Variants in DGCR2 observed in about 807,000 individuals in gnomAD.
DGCR2 encodes DiGeorge syndrome critical region gene 2.
DGCR2 carries 24 observed loss-of-function variants against 51.6 expected under a neutral mutation model. The ratio of observed to expected loss-of-function variants is 0.47; its 90% CI spans 0.34 to 0.65. DGCR2 has a LOEUF of 0.65. Ranked by LOEUF, DGCR2 falls within the 30% of genes least tolerant of loss-of-function variation. DGCR2 has a pLI of 0.01. For synonymous variants in DGCR2, 340 were observed against 315.4 expected, an observed-to-expected ratio of 1.08 and a Z score of -0.82; for missense variants, 765 against 772.1, an observed-to-expected ratio of 0.99 and a Z score of 0.11.
At chr22:19,114,111 G>A (rs1344199781) in intron 1 of DGCR2, among the ~76,000 whole-genome samples, 8 of 126,784 alleles carry the variant, frequency 6.3e-5, no homozygotes, top group African/African-American at 1.2e-4. Context: ...ATCTTGCCCC[G>A]ACCCATTCCC....
At position 19,064,545 on chromosome 22, in the gene DGCR2, AG is replaced by A. The variant is rs148368224; in HGVS notation, c.548+302del. Among the ~76,000 whole-genome samples the A allele has an allele frequency of 2.4e-3, 366 of 152,206 alleles. 3 individuals are homozygous for A. The highest frequency in any genetic ancestry group is 8.5e-3 in the African/African-American group (354 of 41,520). On this transcript the variant is annotated intron_variant, in intron 4 of 9. Transcript: ENST00000263196. ...TCTCCCCACACAAGCCAGCACCCCC[AG>A]CCCCCTGCCTGCGCTCAGCAACTGC...
chr22:19,069,834 C>T (rs2082793688), intron 2 of DGCR2, among the ~76,000 whole-genome samples: 1 of 152,128 alleles, frequency 6.6e-6, no homozygotes, highest in African/African-American at 2.4e-5. Context: ...TCCATAGCTC[C>T]TGTCAGGCAT....
intron 1 of DGCR2, among the ~76,000 whole-genome samples, chr22:19,110,735 T>C (rs576854561): frequency 8.5e-5 from 13 of 152,268 alleles, no homozygotes; most frequent in African/African-American, 2.4e-4. Context: ...GCATGAACTC[T>C]ATGCTGCCCA....
intron 2 of DGCR2, among the ~76,000 whole-genome samples, chr22:19,072,003 T>G (rs1339102914): frequency 6.6e-6 from 1 of 152,096 alleles, no homozygotes; most frequent in Non-Finnish European, 1.5e-5. Flanking sequence ...ACTATGATTA[T>G]GAGTTTTTTA....
In DGCR2 at chr22:19,038,182, G is replaced by C. The variant is rs1008588150; in HGVS notation, c.*683C>G. On this transcript the variant is annotated 3_prime_UTR_variant, in exon 10 of 10. Coordinates refer to ENST00000263196, the MANE Select transcript of DGCR2 (RefSeq NM_005137.3). ...CCTCCTGCCACAGAGCTGGGCTGCA[G>C]AGCCCAGATGGAAAGACACAGTGAA... 1.3e-5 allele frequency: 2 copies of C among 152,506 alleles called. No individual in the cohort carries two copies. Among genetic ancestry groups the C allele is most frequent in the Non-Finnish European group, 2.9e-5 (2 of 68,246 alleles). The allele number at this position is 152,506 out of a possible 1,614,324, so 9.4% of individuals were successfully genotyped here. A position where few individuals can be genotyped will look rare whatever the true frequency, so the allele number is the denominator to read the frequency against.
intron 2 of DGCR2, among the ~76,000 whole-genome samples, chr22:19,088,579 T>C (rs1298157511): frequency 6.6e-6 from 1 of 152,220 alleles, no homozygotes; most frequent in Non-Finnish European, 1.5e-5. Context: ...TCTGCATGTC[T>C]GGCCAAAGCA....
chr22:19,037,477 A>C lies in DGCR2; in HGVS notation c.*1388T>G, dbSNP rs1213888557. The C allele has an allele frequency of 1.3e-5, 2 of 152,246 alleles. No individual in the cohort carries two copies. The highest frequency in any genetic ancestry group is 4.8e-5 in the African/African-American group (2 of 41,412). 9.4% of individuals were successfully genotyped at this position (152,246 alleles called of 1,614,324 possible). On this transcript the variant is annotated 3_prime_UTR_variant, in exon 10 of 10. Transcript: ENST00000263196. ...GGTGCTGCCCCGCTGGTCTGGAAAGACTGAGCGAGACAGCACTGCCTCAGC... is the reference window on the plus strand; with the variant it reads ...GGTGCTGCCCCGCTGGTCTGGAAAGCCTGAGCGAGACAGCACTGCCTCAGC...
chr22:19,082,218 A>ATTTT (rs2082946618), intron 2 of DGCR2, among the ~76,000 whole-genome samples: 1 of 70,804 alleles, frequency 1.4e-5, no homozygotes, highest in Non-Finnish European at 2.9e-5. Flanking sequence ...CTGGCTAATT[A>ATTTT]TTTCTTTTTT....
intron 2 of DGCR2, 65 bp downstream of exon 2, chr22:19,089,303 G>A: frequency 6.7e-7 from 1 of 1,488,662 alleles, no homozygotes; most frequent in Non-Finnish European, 9.0e-7. Flanking sequence ...CTCACAAGAG[G>A]CACAGTCACC....
chr22:19,059,996 T>C (rs541924455), intron 5 of DGCR2, among the ~76,000 whole-genome samples: 2 of 152,262 alleles, frequency 1.3e-5, no homozygotes, highest in South Asian at 2.1e-4. Flanking sequence ...AGCCACAGAA[T>C]GAGCCTCCAC....
intron 1 of DGCR2, among the ~76,000 whole-genome samples, chr22:19,106,907 A>T (rs1205969082): frequency 6.6e-6 from 1 of 151,954 alleles, no homozygotes; most frequent in African/African-American, 2.4e-5. Context: ...CCGAGACAGC[A>T]GTCAGCAGAG....
At chr22:19,096,922 T>C (rs1303409444) in intron 1 of DGCR2, among the ~76,000 whole-genome samples, 1 of 151,690 alleles carries the variant, frequency 6.6e-6, no homozygotes, top group Non-Finnish European at 1.5e-5. Flanking sequence ...TATGGTGTTG[T>C]TCAAAGTAAA....
chr22:19,066,137 C>T (rs551631593), intron 3 of DGCR2, among the ~76,000 whole-genome samples: 2 of 152,322 alleles, frequency 1.3e-5, no homozygotes, highest in South Asian at 2.1e-4. Flanking sequence ...CAGTGGCTCA[C>T]GCCTGTAATT....
At chr22:19,076,921 G>A (rs1284498074) in intron 2 of DGCR2, among the ~76,000 whole-genome samples, 9 of 151,642 alleles carry the variant, frequency 5.9e-5, no homozygotes, top group African/African-American at 1.2e-4. Context: ...TAGTAGAGAC[G>A]GGGTTTCACC....
At chr22:19,106,655 A>C (rs1439797939) in intron 1 of DGCR2, among the ~76,000 whole-genome samples, 3 of 152,110 alleles carry the variant, frequency 2.0e-5, no homozygotes, top group Non-Finnish European at 4.4e-5. Context: ...GAAGGCCCGA[A>C]GCTGTTCTAT....
At chr22:19,069,211 G>A (rs1483077292) in intron 2 of DGCR2, among the ~76,000 whole-genome samples, 2 of 152,230 alleles carry the variant, frequency 1.3e-5, no homozygotes, top group Non-Finnish European at 2.9e-5. Flanking sequence ...GATGGCGAGT[G>A]GGGCCTCGGC....
chr22:19,077,808 G>A (rs145332600), intron 2 of DGCR2, among the ~76,000 whole-genome samples: 1 of 151,488 alleles, frequency 6.6e-6, no homozygotes, highest in African/African-American at 2.4e-5. Context: ...CATGAGCATG[G>A]AACATCTCTC....
intron 7 of DGCR2, among the ~76,000 whole-genome samples, chr22:19,044,649 T>C (rs1449701652): frequency 6.6e-6 from 1 of 152,234 alleles, no homozygotes; most frequent in African/African-American, 2.4e-5. Flanking sequence ...TGGCCAGCAC[T>C]TGATGCTATC....
At chr22:19,041,020 C>T in intron 9 of DGCR2, 38 bp downstream of exon 9, 4 of 1,533,440 alleles carry the variant, frequency 2.6e-6, no homozygotes, top group Non-Finnish European at 3.5e-6. Context: ...TGCCAGGTTA[C>T]TTGACAAGGT....
Sources: gnomAD v4.1 joint callset for allele counts (sites outside exome capture counted in the v4.1 genomes callset) on GRCh38, gnomAD v4.1.1 for gene constraint, MANE v1.5 for transcripts, NCBI Gene and HGNC (gene_info 2026-07-23, HGNC 2026-07-21) for gene names.